NPTN: variants seen among roughly 807,000 people sequenced by gnomAD.
NPTN encodes neuroplastin, also known as SDR-1.
NPTN carries 5 observed loss-of-function variants against 42.7 expected under a neutral mutation model. The ratio of observed to expected loss-of-function variants is 0.12; its 90% CI spans 0.06 to 0.25. The LOEUF is 0.25. NPTN is among the 10% of genes least tolerant of loss of function. The probability of loss-of-function intolerance (pLI) is 1.00; values close to 1 mark genes in which losing one functional copy is unlikely to be tolerated. For synonymous variants in NPTN, 180 were observed against 201.9 expected (o/e 0.89, Z 0.92); for missense variants, 307 against 525.4 (o/e 0.58, Z 4.06).
At chr15:73,616,567 C>A (rs1370407396) in intron 1 of NPTN, among the ~76,000 whole-genome samples, 14 of 152,192 alleles carry the variant, frequency 9.2e-5, no homozygotes. Flanking sequence ...CCTCCTCAGT[C>A]CCTCAGGAAA....
At position 73,560,028 on chromosome 15, in the gene NPTN, GTTTTA is replaced by G; in HGVS notation, c.*1030_*1034del. On this transcript the variant is annotated 3_prime_UTR_variant, in exon 9 of 9. Transcript: ENST00000345330. ...TATTATCCAAACACCTTTTATCAAT[GTTTTA>G]TTTTTAAAAACAGGTGAATCCACTT... 1 of 1,046,148 alleles carries G rather than the reference GTTTTA, an allele frequency of 9.6e-7. No individual in the cohort carries two copies. The highest frequency in any genetic ancestry group is 1.3e-6 in the Non-Finnish European group (1 of 751,724). 64.8% of individuals were successfully genotyped at this position (1,046,148 alleles called of 1,614,324 possible).
chr15:73,580,432 AAT>A (rs1330576341), intron 4 of NPTN, among the ~76,000 whole-genome samples: 6 of 78,438 alleles, frequency 7.6e-5, no homozygotes, highest in Non-Finnish European at 1.3e-4. Flanking sequence ...ATATATATAT[AAT>A]ATATATAATA....
At chr15:73,628,775 A>T (rs1035660163) in intron 1 of NPTN, among the ~76,000 whole-genome samples, 2 of 152,042 alleles carry the variant, frequency 1.3e-5, no homozygotes, top group Admixed American at 6.5e-5. Context: ...ATTTTTATTT[A>T]AACTTTATTT....
intron 6 of NPTN, chr15:73,567,258 T>G: frequency 1.0e-6 from 1 of 985,378 alleles, no homozygotes; most frequent in Non-Finnish European, 1.2e-6. Flanking sequence ...GAGTCTGAAA[T>G]GAGCCATGGG....
chr15:73,618,703 G>A lies in NPTN; in HGVS notation c.91+14422C>T, dbSNP rs1897980386. On this transcript the variant is annotated intron_variant, in intron 1 of 8. Transcript: ENST00000345330. The stretch of plus-strand genomic sequence containing the variant: ...TTTTTAAAAATTAGCTGGGCATGGT[G>A]GCACGCACCTGTGGTCCCACTACTC... 3.3e-5 allele frequency among the ~76,000 whole-genome samples: 5 copies of A among 152,214 alleles called. No homozygotes were observed. In the South Asian group the frequency reaches 1.0e-3, roughly 32 times the overall value.
chr15:73,627,585 C>G (rs1898483701), intron 1 of NPTN, among the ~76,000 whole-genome samples: 1 of 152,094 alleles, frequency 6.6e-6, no homozygotes, highest in Non-Finnish European at 1.5e-5. Context: ...TTTAGAAAAC[C>G]CCATTTCTAT....
In NPTN at chr15:73,560,206, A is replaced by G. The variant is rs1410971398; in HGVS notation, c.*857T>C. On this transcript the variant is annotated 3_prime_UTR_variant, in exon 9 of 9. Transcript: ENST00000345330. ...AAAATACAGTGTCAAACCAAAAAGTATAACTATAGTTGCATAGAATATTAC... is the reference window on the plus strand; with the variant it reads ...AAAATACAGTGTCAAACCAAAAAGTGTAACTATAGTTGCATAGAATATTAC... The G allele has an allele frequency of 4.0e-6, 1 of 249,200 alleles. No individual in the cohort carries two copies. Among genetic ancestry groups the G allele is most frequent in the Non-Finnish European group, 7.6e-6 (1 of 131,546 alleles). The allele number at this position is 249,200 out of a possible 1,614,324, so 15.4% of individuals were successfully genotyped here.
At position 73,633,160 on chromosome 15, in the gene NPTN, C is replaced by T; in HGVS notation, c.56G>A (p.Gly19Asp). The T allele has an allele frequency of 6.6e-7, 1 of 1,512,606 alleles. No homozygotes were observed. The highest frequency in any genetic ancestry group is 8.8e-7 in the Non-Finnish European group (1 of 1,137,280). 93.7% of individuals were successfully genotyped at this position (1,512,606 alleles called of 1,614,324 possible). A position where few individuals can be genotyped will look rare whatever the true frequency, so the allele number is the denominator to read the frequency against. The change falls in exon 1 of 9, where the codon GGC becomes GAC. Residue 19 changes from glycine to aspartate, a missense_variant. By Grantham distance (94) the Gly-to-Asp change is moderately conservative. Coordinates refer to ENST00000345330, the MANE Select transcript of NPTN (RefSeq NM_012428.4). ...GGCGCCTGGCCCTGGGAGGAGGGAG[C>T]CAGAGACCAGCAACAGCGAGAGGGC... ...ALALSLLLVS[G>D]SLLPGPGAAQ...
At chr15:73,594,828 C>A (rs1896757798) in intron 2 of NPTN, among the ~76,000 whole-genome samples, 1 of 152,044 alleles carries the variant, frequency 6.6e-6, no homozygotes, top group Admixed American at 6.6e-5. Flanking sequence ...ACTCAATGAG[C>A]TTTGGGGAAA....
chr15:73,618,159 G>T (rs931211787), intron 1 of NPTN, among the ~76,000 whole-genome samples: 6 of 152,166 alleles, frequency 3.9e-5, no homozygotes, highest in South Asian at 4.1e-4. Context: ...TTTCTGCCTC[G>T]ATGTCCTCAC....
chr15:73,563,014 G>A (rs542723020), intron 7 of NPTN, among the ~76,000 whole-genome samples: 63 of 152,010 alleles, frequency 4.1e-4, no homozygotes, highest in Non-Finnish European at 7.6e-4. Flanking sequence ...TTTTTGCATG[G>A]TATTCCACTT....
chr15:73,571,592 G>A (rs954544975), intron 5 of NPTN, among the ~76,000 whole-genome samples: 5 of 152,170 alleles, frequency 3.3e-5, no homozygotes, highest in Non-Finnish European at 5.9e-5. Context: ...AAACAGGGAG[G>A]AGCAGTGCAG....
rs1056885247 is a variant in NPTN, at chr15:73,630,921, T to C, written c.91+2204A>G. 2.2e-4 allele frequency among the ~76,000 whole-genome samples: 34 copies of C among 152,204 alleles called. 1 individual carries two copies. Among genetic ancestry groups the C allele is most frequent in the African/African-American group, 6.3e-4 (26 of 41,452 alleles). The stretch of plus-strand genomic sequence containing the variant: ...AACTATAGGAACTCAAACTCAAAAA[T>C]AGCCATCTCTTCCTTGAATTAAATT... On this transcript the variant is annotated intron_variant, in intron 1 of 8. Coordinates refer to ENST00000345330, the MANE Select transcript of NPTN (RefSeq NM_012428.4).
intron 1 of NPTN, among the ~76,000 whole-genome samples, chr15:73,610,141 C>G (rs1897504887): frequency 6.6e-6 from 1 of 151,796 alleles, no homozygotes; most frequent in African/African-American, 2.4e-5. Context: ...GGCTGGAGTG[C>G]AGTGGCATGA....
chr15:73,570,873 A>C lies in NPTN; in HGVS notation c.841-450T>G, dbSNP rs1000369512. Among the ~76,000 whole-genome samples, 4 of 152,210 alleles carry C rather than the reference A, an allele frequency of 2.6e-5. No homozygotes were observed. The highest frequency in any genetic ancestry group is 5.9e-5 in the Non-Finnish European group (4 of 68,044). On this transcript the variant is annotated intron_variant, in intron 5 of 8. Transcript: ENST00000345330. The surrounding 1 kb of genome is among the most constrained non-coding windows in gnomAD (Gnocchi z 4.0). ...TGGTGAGTTCTGAGGAAGTCTCCTT[A>C]AACTTCCTCCACAAACAATGCTAAG...
intron 3 of NPTN, among the ~76,000 whole-genome samples, chr15:73,588,839 G>A (rs916072500): frequency 2.0e-5 from 3 of 152,072 alleles, no homozygotes; most frequent in African/African-American, 4.8e-5. Context: ...ATTAATGTCC[G>A]GCTTCCCAAC....
intron 1 of NPTN, among the ~76,000 whole-genome samples, chr15:73,601,336 A>G (rs1897076492): frequency 6.6e-6 from 1 of 152,200 alleles, no homozygotes. Context: ...GAAAAGAAAG[A>G]AAAGAAAAAG....
intron 4 of NPTN, among the ~76,000 whole-genome samples, chr15:73,579,235 C>T (rs1436070933): frequency 1.4e-5 from 2 of 142,734 alleles, no homozygotes; most frequent in African/African-American, 2.6e-5. Flanking sequence ...GCTGAGATCG[C>T]GCCACTGCAC....
At chr15:73,577,642 G>A (rs1182251565) in intron 4 of NPTN, among the ~76,000 whole-genome samples, 2 of 152,226 alleles carry the variant, frequency 1.3e-5, no homozygotes, top group African/African-American at 4.8e-5. Context: ...TGGTTTAGGA[G>A]TCATGCAGCT....
Sources: allele counts gnomAD v4.1 joint callset (sites outside exome capture counted in the v4.1 genomes callset), GRCh38; gene constraint gnomAD v4.1.1; non-coding constraint Gnocchi (gnomAD v3.1); transcripts MANE v1.5; gene names NCBI Gene and HGNC (gene_info 2026-07-23, HGNC 2026-07-21).